The following SKAP1 variants were observed in gnomAD, a reference collection of about 807,000 sequenced individuals.
The protein encoded by SKAP1 is src kinase-associated phosphoprotein 1.
Under a neutral mutation model 58.5 loss-of-function variants are expected in SKAP1, and 44 were observed. The observed-to-expected ratio is 0.75, with a 90% CI of 0.59 to 0.97. The LOEUF (loss-of-function observed/expected upper bound fraction) is 0.97. SKAP1 is among the 50% of genes least tolerant of loss of function. The probability of loss-of-function intolerance (pLI) is 0.00; values close to 1 mark genes in which losing one functional copy is unlikely to be tolerated. For synonymous variants in SKAP1, 127 were observed against 149.7 expected, an observed-to-expected ratio of 0.85 and a Z score of 1.11; for missense variants, 390 against 435.2, an observed-to-expected ratio of 0.90 and a Z score of 0.92.
At chr17:48,412,542 T>A (rs1480440872) in intron 1 of SKAP1, among the ~76,000 whole-genome samples, 8 of 152,184 alleles carry the variant, frequency 5.3e-5, no homozygotes, top group African/African-American at 1.9e-4. Context: ...AGCCCCCTGG[T>A]CAGAGATCAA....
At chr17:48,195,371 T>C (rs532543189) in intron 4 of SKAP1, among the ~76,000 whole-genome samples, 2 of 152,358 alleles carry the variant, frequency 1.3e-5, no homozygotes, top group East Asian at 3.9e-4. Flanking sequence ...CAGGCATATA[T>C]AATTCTTTAA....
intron 4 of SKAP1, among the ~76,000 whole-genome samples, chr17:48,220,526 T>C (rs535127353): frequency 6.6e-6 from 1 of 152,274 alleles, no homozygotes; most frequent in South Asian, 2.1e-4. Flanking sequence ...GTCAGAATAG[T>C]AGTTATTTTG....
At chr17:48,163,843 G>C (rs1362991905) in intron 10 of SKAP1, among the ~76,000 whole-genome samples, 1 of 152,110 alleles carries the variant, frequency 6.6e-6, no homozygotes, top group African/African-American at 2.4e-5. Flanking sequence ...ATATGTCTCT[G>C]GAAGAGAATT....
intron 2 of SKAP1, among the ~76,000 whole-genome samples, chr17:48,378,264 G>A (rs1042061344): frequency 5.9e-5 from 9 of 152,172 alleles, no homozygotes; most frequent in African/African-American, 2.2e-4. Flanking sequence ...AGCATGAAGA[G>A]CAAAGTCTTT....
intron 4 of SKAP1, among the ~76,000 whole-genome samples, chr17:48,327,929 G>A (rs8068128): frequency 0.33 from 50,774 of 152,080 alleles, 9,177 homozygotes; most frequent in African/African-American, 0.47. Context: ...ACTGTGCCCC[G>A]CCGTGCCTCT....
At position 48,138,483 on chromosome 17, in the gene SKAP1, C is replaced by T. The variant is rs562878214; in HGVS notation, c.979-1146G>A. Among the ~76,000 whole-genome samples, 14 of 151,946 alleles carry T rather than the reference C, an allele frequency of 9.2e-5. No individual in the cohort carries two copies. The South Asian group carries it at 2.9e-3, about 32-fold the overall frequency. Reference sequence around the variant, plus strand: ...CTCCCAGGTTCAAGCGATTCTCCTGCCTCAGCCTCCCGATTAGCTGGGATT... The same window carrying T: ...CTCCCAGGTTCAAGCGATTCTCCTGTCTCAGCCTCCCGATTAGCTGGGATT... On this transcript the variant is annotated intron_variant, in intron 11 of 12. Transcript: ENST00000336915.
chr17:48,192,323 A>G (rs1289180621), intron 4 of SKAP1, among the ~76,000 whole-genome samples: 1 of 152,068 alleles, frequency 6.6e-6, no homozygotes, highest in East Asian at 1.9e-4. Flanking sequence ...GTCTTGTTAA[A>G]CTTAGAGACA....
rs182958942 is a variant in SKAP1 at position 48,283,212 on chromosome 17, A to G, written c.280+62693T>C. Among the ~76,000 whole-genome samples, 7 of 152,356 alleles carry G rather than the reference A, an allele frequency of 4.6e-5. No individual in the cohort carries two copies. In the East Asian group the frequency reaches 5.8e-4, roughly 13 times the overall value. On this transcript the variant is annotated intron_variant, in intron 4 of 12. Transcript: ENST00000336915. ...GCCACCCAGCATAACTGATGAGAGA[A>G]TGCAGAGAAAAGTGATTAGAGTAGA...
At chr17:48,226,001 C>T (rs1239247826) in intron 4 of SKAP1, among the ~76,000 whole-genome samples, 2 of 152,218 alleles carry the variant, frequency 1.3e-5, no homozygotes, top group African/African-American at 2.4e-5. Flanking sequence ...GTTAGTACAA[C>T]AGCTGCTGCT....
intron 2 of SKAP1, among the ~76,000 whole-genome samples, chr17:48,365,598 A>C (rs994140787): frequency 1.3e-5 from 2 of 152,184 alleles, no homozygotes; most frequent in East Asian, 3.9e-4. Flanking sequence ...TTTCAAAAGC[A>C]CTGTCTACAC....
At chr17:48,169,330 A>T (rs1413907924) in intron 10 of SKAP1, among the ~76,000 whole-genome samples, 1 of 152,234 alleles carries the variant, frequency 6.6e-6, no homozygotes, top group Non-Finnish European at 1.5e-5. Context: ...TACTCCACCC[A>T]AGCTGTCCAC....
chr17:48,186,589 A>C (rs897879835), intron 6 of SKAP1, among the ~76,000 whole-genome samples: 1 of 152,002 alleles, frequency 6.6e-6, no homozygotes, highest in Non-Finnish European at 1.5e-5. Flanking sequence ...GGGTTCAAGC[A>C]ATTCTCCTGC....
intron 4 of SKAP1, among the ~76,000 whole-genome samples, chr17:48,337,781 A>C (rs1411942419): frequency 6.6e-6 from 1 of 152,222 alleles, no homozygotes; most frequent in African/African-American, 2.4e-5. Flanking sequence ...AACTTGACTG[A>C]AACTTGCAAG....
chr17:48,301,354 T>A (rs1218069013), intron 4 of SKAP1, among the ~76,000 whole-genome samples: 1 of 152,128 alleles, frequency 6.6e-6, no homozygotes. Flanking sequence ...AAATTATAAA[T>A]TTTCAGGGAG....
intron 1 of SKAP1, among the ~76,000 whole-genome samples, chr17:48,413,514 C>CAAAAAAAA (rs1222640261): frequency 2.0e-5 from 2 of 99,964 alleles, no homozygotes; most frequent in African/African-American, 9.9e-5. Context: ...AACTCCGTCT[C>CAAAAAAAA]AAAAAAAAAA....
chr17:48,242,106 T>C (rs1385203362), intron 4 of SKAP1, among the ~76,000 whole-genome samples: 2 of 152,256 alleles, frequency 1.3e-5, no homozygotes, highest in Non-Finnish European at 2.9e-5. Flanking sequence ...TTGCAGTAAC[T>C]GCTTCTCCTG....
intron 2 of SKAP1, among the ~76,000 whole-genome samples, chr17:48,372,074 C>T (rs577649794): frequency 1.1e-3 from 168 of 151,878 alleles, no homozygotes; most frequent in African/African-American, 3.8e-3. Context: ...TGGGTTCACG[C>T]GATTCTCGTA....
chr17:48,293,627 C>T (rs1355016022), intron 4 of SKAP1, among the ~76,000 whole-genome samples: 1 of 152,156 alleles, frequency 6.6e-6, no homozygotes, highest in Non-Finnish European at 1.5e-5. Context: ...GTGTACAAGG[C>T]TTACAAGTCA....
At chr17:48,387,404 T>C (rs982595143) in intron 2 of SKAP1, among the ~76,000 whole-genome samples, 2 of 152,156 alleles carry the variant, frequency 1.3e-5, no homozygotes, top group African/African-American at 4.8e-5. Context: ...ATCTCTTCTC[T>C]CCATCTCACC....
Sources: gnomAD v4.1 joint callset for allele counts (sites outside exome capture counted in the v4.1 genomes callset) on GRCh38, gnomAD v4.1.1 for gene constraint, MANE v1.5 for transcripts, NCBI Gene and HGNC (gene_info 2026-07-23, HGNC 2026-07-21) for gene names.